MAP3K5: variants seen among roughly 807,000 people sequenced by gnomAD.
MAP3K5 encodes mitogen-activated protein kinase kinase kinase 5, also known as ASK-1.
In MAP3K5, 56 loss-of-function variants were observed where a neutral mutation model predicts 158.7. That is an observed-to-expected ratio of 0.35 (90% confidence interval 0.28 to 0.44). The LOEUF (loss-of-function observed/expected upper bound fraction) is 0.44, where lower values mean the gene tolerates loss of function less well. Ranked by LOEUF, MAP3K5 falls within the 20% of genes least tolerant of loss-of-function variation. The pLI is 1.00. For missense variants in MAP3K5, 1,294 were observed against 1,674.8 expected (o/e 0.77, Z 3.97); for synonymous variants, 579 against 601.7 (o/e 0.96, Z 0.55).
intron 1 of MAP3K5, among the ~76,000 whole-genome samples, chr6:136,726,750 T>A (rs1781986410): frequency 6.6e-6 from 1 of 152,232 alleles, no homozygotes; most frequent in Admixed American, 6.5e-5. Flanking sequence ...GTACTGTTTT[T>A]AAAAATTTCA....
rs565181102 is a variant in MAP3K5, at chr6:136,663,945, A to AT, written c.1367-4568dup. ...TTTAATCTAATCAATCCCTCTACAC[A>AT]TTTTTTTTATGACCCTGACTTTTCG... On this transcript the variant is annotated intron_variant, in intron 8 of 29. Transcript: ENST00000359015. Among the ~76,000 whole-genome samples the AT allele has an allele frequency of 4.0e-5, 6 of 151,518 alleles. No individual in the cohort carries two copies. In the East Asian group the frequency reaches 5.8e-4, roughly 15 times the overall value.
At chr6:136,656,934 A>T (rs1778779480) in intron 9 of MAP3K5, among the ~76,000 whole-genome samples, 1 of 152,184 alleles carries the variant, frequency 6.6e-6, no homozygotes, top group South Asian at 2.1e-4. Flanking sequence ...GCTTTCACAC[A>T]TTATCTCATT....
chr6:136,637,425 C>T lies in MAP3K5; in HGVS notation c.1935-19G>A, dbSNP rs543975549. 1.9e-5 allele frequency: 26 copies of T among 1,369,352 alleles called. No individual in the cohort carries two copies. Among genetic ancestry groups the T allele is most frequent in the Middle Eastern group, 1.8e-4 (1 of 5,600 alleles). 84.8% of individuals were successfully genotyped at this position (1,369,352 alleles called of 1,614,324 possible). A position where few individuals can be genotyped will look rare whatever the true frequency, so the allele number is the denominator to read the frequency against. On this transcript the variant is annotated intron_variant, in intron 13 of 29. Transcript: ENST00000359015. ...AAAAAACCTACAATACAAGTTAGCA[C>T]GTGAGCATTCATAACACAAACAATA... is the stretch of plus-strand genomic sequence containing the variant.
chr6:136,588,491 A>G (rs757459405), intron 23 of MAP3K5, among the ~76,000 whole-genome samples: 2 of 152,192 alleles, frequency 1.3e-5, no homozygotes, highest in African/African-American at 2.4e-5. Context: ...TGTTATTACT[A>G]TATGTTTTAT....
chr6:136,584,871 C>T (rs751725602), intron 23 of MAP3K5, among the ~76,000 whole-genome samples: 1 of 152,106 alleles, frequency 6.6e-6, no homozygotes, highest in Non-Finnish European at 1.5e-5. Flanking sequence ...AGTCTACTTC[C>T]CTTATTGCTA....
intron 15 of MAP3K5, among the ~76,000 whole-genome samples, chr6:136,619,788 G>A (rs1446230560): frequency 6.6e-6 from 1 of 152,196 alleles, no homozygotes; most frequent in Non-Finnish European, 1.5e-5. Flanking sequence ...AAAGAGTAGA[G>A]AGATTCAGAA....
intron 1 of MAP3K5, among the ~76,000 whole-genome samples, chr6:136,733,317 T>A (rs1782306856): frequency 6.6e-6 from 1 of 152,164 alleles, no homozygotes; most frequent in Non-Finnish European, 1.5e-5. Context: ...CAGCATTCGA[T>A]GATGGTTTAG....
At chr6:136,762,582 C>T (rs1348025393) in intron 1 of MAP3K5, among the ~76,000 whole-genome samples, 2 of 152,156 alleles carry the variant, frequency 1.3e-5, no homozygotes, top group Non-Finnish European at 2.9e-5. Flanking sequence ...GAAAAATAAA[C>T]TCCTAGTTGA....
chr6:136,753,355 A>G (rs1783309517), intron 1 of MAP3K5, among the ~76,000 whole-genome samples: 2 of 152,208 alleles, frequency 1.3e-5, no homozygotes, highest in South Asian at 4.1e-4. Flanking sequence ...ATTAGGCAGC[A>G]ACATGGTGTT....
At chr6:136,631,161 G>C (rs921452947) in intron 14 of MAP3K5, among the ~76,000 whole-genome samples, 3 of 152,206 alleles carry the variant, frequency 2.0e-5, no homozygotes, top group African/African-American at 7.2e-5. Flanking sequence ...TCTTTTGTCA[G>C]TTAATTTGCA....
chr6:136,641,838 A>G (rs1333761081), intron 12 of MAP3K5, among the ~76,000 whole-genome samples: 1 of 151,454 alleles, frequency 6.6e-6, no homozygotes, highest in East Asian at 1.9e-4. Flanking sequence ...AATTACAAAA[A>G]TTAGCTGGGC....
chr6:136,735,950 A>G (rs188860031), intron 1 of MAP3K5, among the ~76,000 whole-genome samples: 4 of 152,342 alleles, frequency 2.6e-5, no homozygotes, highest in African/African-American at 9.6e-5. Flanking sequence ...TGCATGCCAT[A>G]GAAATATAAT....
At chr6:136,667,702 T>G (rs1779288418) in intron 8 of MAP3K5, among the ~76,000 whole-genome samples, 1 of 150,614 alleles carries the variant, frequency 6.6e-6, no homozygotes, top group African/African-American at 2.4e-5. Context: ...TACAAAAAAA[T>G]TATCCGGGTG....
intron 14 of MAP3K5, among the ~76,000 whole-genome samples, chr6:136,636,621 G>C (rs535049958): frequency 6.6e-6 from 1 of 152,250 alleles, no homozygotes; most frequent in African/African-American, 2.4e-5. Flanking sequence ...CAGCAGACAT[G>C]GCAGAGAAAA....
chr6:136,763,720 T>C (rs1460218346), intron 1 of MAP3K5, among the ~76,000 whole-genome samples: 5 of 152,148 alleles, frequency 3.3e-5, no homozygotes, highest in Non-Finnish European at 7.3e-5. Context: ...TGAACAGTTG[T>C]CCCCTCCAAG....
At chr6:136,741,340 G>C (rs1240722712) in intron 1 of MAP3K5, among the ~76,000 whole-genome samples, 1 of 151,828 alleles carries the variant, frequency 6.6e-6, no homozygotes. Context: ...ATTTGGTATG[G>C]GAGCAAAATT....
intron 25 of MAP3K5, among the ~76,000 whole-genome samples, chr6:136,576,261 TCCATC>T (rs1249397344): frequency 6.6e-6 from 1 of 152,134 alleles, no homozygotes; most frequent in African/African-American, 2.4e-5. Context: ...TCAATAAATC[TCCATC>T]CTTTTTGACA....
intron 14 of MAP3K5, among the ~76,000 whole-genome samples, chr6:136,630,017 C>A (rs1361880731): frequency 6.6e-6 from 1 of 152,060 alleles, no homozygotes; most frequent in African/African-American, 2.4e-5. Context: ...TCCCAAAGTG[C>A]TGGGATTACA....
Position 136,792,317 on chromosome 6 carries a change from C to A in MAP3K5, c.-160G>T. 9.7e-7 allele frequency: 1 copy of A among 1,035,060 alleles called. No individual in the cohort carries two copies. The highest frequency in any genetic ancestry group is 4.4e-5 in the South Asian group (1 of 22,742). The allele number at this position is 1,035,060 out of a possible 1,614,324, so 64.1% of individuals were successfully genotyped here. On this transcript the variant is annotated 5_prime_UTR_variant, in exon 1 of 30. Transcript: ENST00000359015. The surrounding 1 kb of genome is among the most constrained non-coding windows in gnomAD (Gnocchi z 5.7). ...GCCGCCTCCTCTCCGGCGCCCTCTC[C>A]CCCGAGGGCACGCCGCTGCCCGGCG...
Sources: allele counts gnomAD v4.1 joint callset (sites outside exome capture counted in the v4.1 genomes callset), GRCh38; gene constraint gnomAD v4.1.1; non-coding constraint Gnocchi (gnomAD v3.1); transcripts MANE v1.5; gene names NCBI Gene and HGNC (gene_info 2026-07-23, HGNC 2026-07-21).